AKT3: variants seen among roughly 807,000 people sequenced by gnomAD.
AKT3 encodes AKT serine/threonine kinase 3, also known as RAC-gamma serine/threonine-protein kinase.
Under a neutral mutation model 65.3 loss-of-function variants are expected in AKT3, and 15 were observed. That is an observed-to-expected ratio of 0.23 (90% CI 0.15 to 0.35). The LOEUF (loss-of-function observed/expected upper bound fraction) is 0.35, where lower values mean the gene tolerates loss of function less well. Among genes scored for constraint, AKT3 ranks in the 10% least tolerant of loss-of-function variants. The probability of loss-of-function intolerance (pLI) is 1.00; values close to 1 mark genes in which losing one functional copy is unlikely to be tolerated. For synonymous variants in AKT3, 206 were observed against 183.8 expected (o/e 1.12, Z -0.98); for missense variants, 243 against 576.5 (o/e 0.42, Z 5.92).
chr1:243,755,214 G>A (rs1436260628), intron 2 of AKT3, among the ~76,000 whole-genome samples: 3 of 151,156 alleles, frequency 2.0e-5, no homozygotes, highest in South Asian at 2.1e-4. Context: ...GATTACAGGC[G>A]GGCGACACCA....
intron 2 of AKT3, among the ~76,000 whole-genome samples, chr1:243,823,784 C>T (rs1656050025): frequency 1.3e-5 from 2 of 152,136 alleles, no homozygotes; most frequent in Non-Finnish European, 2.9e-5. Context: ...AAAAACATCC[C>T]ATGCTCATGG....
chr1:243,694,667 C>A lies in AKT3; in HGVS notation c.172+924G>T, dbSNP rs114175901. Among the ~76,000 whole-genome samples the A allele has an allele frequency of 3.1e-3, 468 of 151,834 alleles. 4 individuals carry two copies. The highest frequency in any genetic ancestry group is 0.011 in the African/African-American group (442 of 41,486). On this transcript the variant is annotated intron_variant, in intron 3 of 13. Coordinates refer to ENST00000673466, the MANE Select transcript of AKT3 (RefSeq NM_005465.7). ...CTAATAAGGGCTAACCTGAATTAAA[C>A]AATAGGAGTAAAAAAAGATCACGGC...
intron 3 of AKT3, among the ~76,000 whole-genome samples, chr1:243,676,943 T>A (rs1683566964): frequency 6.6e-6 from 1 of 152,216 alleles, no homozygotes; most frequent in Non-Finnish European, 1.5e-5. Context: ...ATTCTTAAAC[T>A]GTATGTCATT....
chr1:243,766,203 T>C (rs1689807038), intron 2 of AKT3, among the ~76,000 whole-genome samples: 2 of 152,130 alleles, frequency 1.3e-5, no homozygotes, highest in African/African-American at 2.4e-5. Flanking sequence ...GTTAAATAAT[T>C]TGTATTACAT....
At chr1:243,664,380 T>G (rs1032198073) in intron 4 of AKT3, among the ~76,000 whole-genome samples, 6 of 151,324 alleles carry the variant, frequency 4.0e-5, no homozygotes, top group African/African-American at 9.7e-5. Context: ...GTGTGTGTGT[T>G]TTTTTAGTAG....
At chr1:243,551,640 A>G (rs1673073657) in intron 11 of AKT3, among the ~76,000 whole-genome samples, 1 of 151,980 alleles carries the variant, frequency 6.6e-6, no homozygotes, top group Non-Finnish European at 1.5e-5. Flanking sequence ...GTGAGGTATT[A>G]TAAAATATTC....
chr1:243,513,927 C>G (rs867209817), intron 12 of AKT3, among the ~76,000 whole-genome samples: 5 of 152,336 alleles, frequency 3.3e-5, no homozygotes, highest in Middle Eastern at 3.4e-3. Flanking sequence ...CTCTGACTCT[C>G]AGGCTAAATT....
chr1:243,742,400 C>A (rs557096333), intron 2 of AKT3, among the ~76,000 whole-genome samples: 52 of 152,172 alleles, frequency 3.4e-4, no homozygotes, highest in Non-Finnish European at 5.7e-4. Flanking sequence ...CTGAGGCAGG[C>A]GATCACCTAA....
chr1:243,597,950 G>A (rs910541625), intron 8 of AKT3, among the ~76,000 whole-genome samples: 5 of 152,120 alleles, frequency 3.3e-5, no homozygotes, highest in Non-Finnish European at 7.4e-5. Context: ...TGTAATGAAT[G>A]TACATTATCA....
intron 2 of AKT3, among the ~76,000 whole-genome samples, chr1:243,705,305 A>G (rs1283780540): frequency 6.6e-6 from 1 of 152,220 alleles, no homozygotes; most frequent in African/African-American, 2.4e-5. Flanking sequence ...TGCATTGAAT[A>G]CCAACCACAA....
chr1:243,752,038 G>A (rs562604317), intron 2 of AKT3, among the ~76,000 whole-genome samples: 1 of 152,156 alleles, frequency 6.6e-6, no homozygotes, highest in Non-Finnish European at 1.5e-5. Context: ...CAGCTGTTGA[G>A]CTGGGTTAAT....
At chr1:243,635,196 C>A (rs1679888623) in intron 6 of AKT3, among the ~76,000 whole-genome samples, 1 of 151,650 alleles carries the variant, frequency 6.6e-6, no homozygotes, top group South Asian at 2.1e-4. Context: ...ACAACAGACA[C>A]AATCAATGAC....
At chr1:243,541,473 C>T (rs1463690284) in intron 12 of AKT3, among the ~76,000 whole-genome samples, 1 of 151,826 alleles carries the variant, frequency 6.6e-6, no homozygotes, top group Non-Finnish European at 1.5e-5. Context: ...CCACAAAATT[C>T]TCCACGCTCA....
intron 6 of AKT3, among the ~76,000 whole-genome samples, chr1:243,632,036 C>T (rs1469327673): frequency 1.3e-5 from 2 of 152,170 alleles, no homozygotes; most frequent in African/African-American, 2.4e-5. Context: ...TTCTTACACA[C>T]TCCTATTAAT....
At chr1:243,807,608 C>T (rs1433631978) in intron 2 of AKT3, among the ~76,000 whole-genome samples, 4 of 152,234 alleles carry the variant, frequency 2.6e-5, no homozygotes, top group African/African-American at 4.8e-5. Context: ...CCTCTGGGGG[C>T]AAGGCATAGC....
intron 3 of AKT3, among the ~76,000 whole-genome samples, chr1:243,681,374 A>C (rs2147976032): frequency 6.6e-6 from 1 of 152,296 alleles, no homozygotes; most frequent in African/African-American, 2.4e-5. Context: ...AAACCACTGA[A>C]TTTAGAATTA....
At chr1:243,577,964 C>T (rs1330694779) in intron 8 of AKT3, among the ~76,000 whole-genome samples, 1 of 152,074 alleles carries the variant, frequency 6.6e-6, no homozygotes, top group Non-Finnish European at 1.5e-5. Context: ...TTAGAGGATG[C>T]AAATCAAAAC....
intron 2 of AKT3, among the ~76,000 whole-genome samples, chr1:243,764,588 A>G (rs747393695): frequency 6.6e-6 from 1 of 152,134 alleles, no homozygotes; most frequent in Non-Finnish European, 1.5e-5. Context: ...AACATTTTAA[A>G]TATAAATTGT....
chr1:243,500,023 T>TGTG lies in AKT3; in HGVS notation c.*5223_*5225dup. 1.7e-6 allele frequency: 1 copy of TGTG among 582,014 alleles called. No homozygotes were observed. Among genetic ancestry groups the TGTG allele is most frequent in the East Asian group, 2.8e-5 (1 of 35,888 alleles). 36.1% of individuals were successfully genotyped at this position (582,014 alleles called of 1,614,324 possible). The stretch of plus-strand genomic sequence containing the variant: ...TGTTTTCAGAAATGGCTTGAAGTTA[T>TGTG]GTGTTTAAATCTGCTCATTCGTATG... On this transcript the variant is annotated 3_prime_UTR_variant, in exon 14 of 14. Transcript: ENST00000673466.
Sources: gnomAD v4.1 joint callset for allele counts (sites outside exome capture counted in the v4.1 genomes callset) on GRCh38, gnomAD v4.1.1 for gene constraint, MANE v1.5 for transcripts, NCBI Gene and HGNC (gene_info 2026-07-23, HGNC 2026-07-21) for gene names.